The following TRIP11 variants were observed in gnomAD, a reference collection of about 807,000 sequenced individuals.
The protein encoded by TRIP11 is thyroid receptor-interacting protein 11.
A neutral mutation model predicts 223.1 loss-of-function variants in TRIP11; 148 were observed. That is an observed-to-expected ratio of 0.66 (90% CI 0.58 to 0.76). The LOEUF (loss-of-function observed/expected upper bound fraction) is 0.76. TRIP11 is among the 30% of genes least tolerant of loss of function. TRIP11 has a pLI of 0.00. For missense variants in TRIP11, 2,043 were observed against 2,222.0 expected, an observed-to-expected ratio of 0.92 and a Z score of 1.62; for synonymous variants, 762 against 772.6, an observed-to-expected ratio of 0.99 and a Z score of 0.23.
At chr14:91,972,524 A>G (rs1475385255) in intron 20 of TRIP11, among the ~76,000 whole-genome samples, 193 bp downstream of exon 20, 1 of 152,244 alleles carries the variant, frequency 6.6e-6, no homozygotes, top group Non-Finnish European at 1.5e-5. Flanking sequence ...ATTAAATATC[A>G]GATTGCTACA....
intron 1 of TRIP11, among the ~76,000 whole-genome samples, chr14:92,035,150 C>CAAAA (rs372782885): frequency 7.4e-6 from 1 of 134,318 alleles, no homozygotes; most frequent in Non-Finnish European, 1.6e-5. Context: ...ACTAAAAATA[C>CAAAA]AAAAAAAAAA....
chr14:92,033,835 T>C (rs1595414595), intron 1 of TRIP11, among the ~76,000 whole-genome samples: 1 of 152,170 alleles, frequency 6.6e-6, no homozygotes, highest in Non-Finnish European at 1.5e-5. Context: ...AGTGCTTATC[T>C]GGGAGGGAGA....
At chr14:92,023,644 T>G (rs770275669) in intron 3 of TRIP11, among the ~76,000 whole-genome samples, 19 of 152,216 alleles carry the variant, frequency 1.2e-4, no homozygotes, top group Non-Finnish European at 2.8e-4. Flanking sequence ...AACATGTATA[T>G]GCTTTTAAAG....
At chr14:91,998,737 T>C (rs767982919) in intron 13 of TRIP11, among the ~76,000 whole-genome samples, 67 of 150,556 alleles carry the variant, frequency 4.5e-4, no homozygotes, top group Non-Finnish European at 8.0e-4. Flanking sequence ...GAAATAAAAA[T>C]CTAAAATATA....
intron 16 of TRIP11, among the ~76,000 whole-genome samples, chr14:91,987,859 T>C (rs1333165745): frequency 2.0e-5 from 3 of 152,168 alleles, no homozygotes; most frequent in African/African-American, 7.2e-5. Flanking sequence ...TCTACAATCA[T>C]AAAAATCTAG....
intron 2 of TRIP11, among the ~76,000 whole-genome samples, chr14:92,031,206 C>T (rs1340138765): frequency 6.6e-6 from 1 of 152,144 alleles, no homozygotes; most frequent in Non-Finnish European, 1.5e-5. Flanking sequence ...GCAACCTCCA[C>T]ATCCCGGGTT....
At chr14:91,983,815 A>G (rs2056572156) in intron 16 of TRIP11, among the ~76,000 whole-genome samples, 2 of 152,262 alleles carry the variant, frequency 1.3e-5, no homozygotes, top group African/African-American at 2.4e-5. Flanking sequence ...TGTGTTCAAC[A>G]GGACATTATA....
rs919245475 is a variant in TRIP11, at chr14:92,033,816, T to C, written c.140-563A>G. 2.6e-5 allele frequency among the ~76,000 whole-genome samples: 4 copies of C among 152,170 alleles called. 1 individual carries two copies. Among genetic ancestry groups the C allele is most frequent in the African/African-American group, 4.8e-5 (2 of 41,438 alleles). ...ATTAGAGGCTTAGACTGCTTCTGTG[T>C]TTTTTTGTAGTGCTTATCTGGGAGG... On this transcript the variant is annotated intron_variant, in intron 1 of 20. Coordinates refer to ENST00000267622, the MANE Select transcript of TRIP11 (RefSeq NM_004239.4).
At chr14:91,989,544 A>G (rs1424894222) in intron 15 of TRIP11, among the ~76,000 whole-genome samples, 2 of 149,202 alleles carry the variant, frequency 1.3e-5, no homozygotes, top group African/African-American at 5.0e-5. Flanking sequence ...GTCTCTCCTC[A>G]CTGCATTATT....
chr14:91,983,677 G>A (rs1450166688), intron 16 of TRIP11, among the ~76,000 whole-genome samples: 1 of 152,098 alleles, frequency 6.6e-6, no homozygotes, highest in Non-Finnish European at 1.5e-5. Flanking sequence ...ACCATTTATG[G>A]CAACTCAGAA....
At chr14:92,026,517 T>G in intron 2 of TRIP11, 1 of 1,093,056 alleles carries the variant, frequency 9.1e-7, no homozygotes, top group South Asian at 1.2e-5. Flanking sequence ...GTCCCTGAAC[T>G]CTCGCTTTCT....
At chr14:91,991,591 C>G (rs1025016582) in intron 15 of TRIP11, among the ~76,000 whole-genome samples, 3 of 152,122 alleles carry the variant, frequency 2.0e-5, no homozygotes, top group African/African-American at 4.8e-5. Context: ...TGTCCTATAA[C>G]TCAGCAATTC....
chr14:91,999,924 A>G, intron 12 of TRIP11, 44 bp downstream of exon 12: 1 of 1,609,772 alleles, frequency 6.2e-7, no homozygotes, highest in African/African-American at 1.3e-5. Flanking sequence ...AATAGTTATT[A>G]AACTTATTGT....
intron 6 of TRIP11, 72 bp from the exon 7 acceptor site, chr14:92,014,649 T>C: frequency 6.8e-7 from 1 of 1,479,448 alleles, no homozygotes; most frequent in Non-Finnish European, 9.1e-7. Context: ...TATATACAAC[T>C]AAGAGATATA....
At position 92,011,064 on chromosome 14, in the gene TRIP11, A is replaced by G; in HGVS notation, c.1236T>C (p.Ser412=). 2 of 1,614,046 alleles carry G rather than the reference A, an allele frequency of 1.2e-6. No homozygotes were observed. The highest frequency in any genetic ancestry group is 1.1e-5 in the South Asian group (1 of 91,088). The change falls in exon 9 of 21, where the codon AGT becomes AGC. Residue 412 remains serine (S), a synonymous_variant. Coordinates refer to ENST00000267622, the MANE Select transcript of TRIP11 (RefSeq NM_004239.4). The stretch of plus-strand genomic sequence containing the variant: ...TAAGTTTCAGATTGTCTTCAGCAAG[A>G]CTGTTATCCTACAAAAATGTTAAAG... The part of the protein sequence containing the change: ...MRLSSLNQDN[S]LAEDNLKLKM...
At position 91,966,297 on chromosome 14, in the gene TRIP11, TA is replaced by T. The variant is rs1336367806; in HGVS notation, c.*3375del. ...AATCACAAATGTCAGAACATTAAAG[TA>T]GCATTTTTTCCATAGGAATATATAA... On this transcript the variant is annotated 3_prime_UTR_variant, in exon 21 of 21. Transcript: ENST00000267622. 5.6e-6 allele frequency: 1 copy of T among 179,064 alleles called. No homozygotes were observed. The highest frequency in any genetic ancestry group is 2.4e-5 in the African/African-American group (1 of 42,346). 11.1% of individuals were successfully genotyped at this position (179,064 alleles called of 1,614,324 possible). A position where few individuals can be genotyped will look rare whatever the true frequency, so the allele number is the denominator to read the frequency against.
At chr14:91,992,908 C>CA (rs550702989) in intron 15 of TRIP11, among the ~76,000 whole-genome samples, 1,568 of 29,244 alleles carry the variant, frequency 0.054, 433 homozygotes, top group Admixed American at 0.1. Flanking sequence ...GACTCCGTCT[C>CA]AAAAAAAAAA....
chr14:92,029,250 C>G (rs970476420), intron 2 of TRIP11, among the ~76,000 whole-genome samples: 5 of 147,452 alleles, frequency 3.4e-5, no homozygotes, highest in Non-Finnish European at 5.9e-5. Flanking sequence ...GTAAAATAAC[C>G]AGTTTTCTGA....
At chr14:92,001,990 G>A (rs906292121) in intron 11 of TRIP11, among the ~76,000 whole-genome samples, 2 of 152,186 alleles carry the variant, frequency 1.3e-5, no homozygotes, top group African/African-American at 4.8e-5. Context: ...AACCTAACTG[G>A]CAAATGAAGT....
Sources: gnomAD v4.1 joint callset for allele counts (sites outside exome capture counted in the v4.1 genomes callset) on GRCh38, gnomAD v4.1.1 for gene constraint, MANE v1.5 for transcripts, NCBI Gene and HGNC (gene_info 2026-07-23, HGNC 2026-07-21) for gene names.